The following MYLK4 variants were observed in gnomAD, a reference collection of about 807,000 sequenced individuals.
MYLK4 encodes caMLCK like.
Under a neutral mutation model 48.1 loss-of-function variants are expected in MYLK4, and 46 were observed. The observed-to-expected ratio is 0.96, with a 90% CI of 0.75 to 1.22. The LOEUF is 1.22. MYLK4 is among the 50% of genes most tolerant of loss of function. The probability of loss-of-function intolerance (pLI) is 0.00; values close to 1 mark genes in which losing one functional copy is unlikely to be tolerated. For missense variants in MYLK4, 451 were observed against 486.1 expected (o/e 0.93, Z 0.68); for synonymous variants, 170 against 180.8 (o/e 0.94, Z 0.48).
chr6:2,746,952 AAGG>A (rs925746054), intron 2 of MYLK4, among the ~76,000 whole-genome samples: 3 of 152,226 alleles, frequency 2.0e-5, no homozygotes, highest in African/African-American at 7.2e-5. Context: ...AGGCCATGGA[AAGG>A]AGAACTCTGT....
At chr6:2,760,792 G>T in the MYLK4 span, among the ~76,000 whole-genome samples, 1 of 152,196 alleles carries the variant, frequency 6.6e-6, no homozygotes, top group Middle Eastern at 3.4e-3. Flanking sequence ...TAAATAAAAG[G>T]TTCTACTTAC....
chr6:2,735,731 G>A lies in MYLK4; in HGVS notation c.159+13405C>T, dbSNP rs1763647746. ...TCAGCGTATGTAGTCGATGCAAACT[G>A]GGGAGGTAAAATTAGAATCAACTGT... On this transcript the variant is annotated intron_variant, in intron 2 of 12. Coordinates refer to ENST00000274643, the MANE Select transcript of MYLK4 (RefSeq NM_001012418.5). Among the ~76,000 whole-genome samples the A allele has an allele frequency of 3.3e-5, 5 of 152,304 alleles. No homozygotes were observed. In the South Asian group the frequency reaches 1.0e-3, roughly 32 times the overall value.
At chr6:2,719,230 G>A (rs1425608758) in intron 2 of MYLK4, among the ~76,000 whole-genome samples, 4 of 152,110 alleles carry the variant, frequency 2.6e-5, no homozygotes, top group East Asian at 1.9e-4. Flanking sequence ...AAACACTCCC[G>A]TCAGCTTCAC....
rs1760642987 is a variant in MYLK4 at position 2,666,120 on chromosome 6, CA to C, written c.*1804del. 6.6e-6 allele frequency: 1 copy of C among 152,158 alleles called. No individual in the cohort carries two copies. Among genetic ancestry groups the C allele is most frequent in the African/African-American group, 2.4e-5 (1 of 41,432 alleles). 9.4% of individuals were successfully genotyped at this position (152,158 alleles called of 1,614,324 possible). A position where few individuals can be genotyped will look rare whatever the true frequency, so the allele number is the denominator to read the frequency against. On this transcript the variant is annotated 3_prime_UTR_variant, in exon 13 of 13. Transcript: ENST00000274643. The stretch of plus-strand genomic sequence containing the variant: ...CACAAAATTCGCATGTGGCCTTCAC[CA>C]AATCACGTATTTCCTTCTATCTCTA...
rs956020141 is a variant in MYLK4, at chr6:2,666,968, A to G, written c.*957T>C. On this transcript the variant is annotated 3_prime_UTR_variant, in exon 13 of 13. Coordinates refer to ENST00000274643, the MANE Select transcript of MYLK4 (RefSeq NM_001012418.5). ...GTACTTGGTCTTTGCCACTGTTTGT[A>G]TGTGTTTACCCAGAAGCTTGAATGT... 1 of 152,252 alleles carries G rather than the reference A, an allele frequency of 6.6e-6. No homozygotes were observed. Among genetic ancestry groups the G allele is most frequent in the African/African-American group, 2.4e-5 (1 of 41,464 alleles). 9.4% of individuals were successfully genotyped at this position (152,252 alleles called of 1,614,324 possible). A position where few individuals can be genotyped will look rare whatever the true frequency, so the allele number is the denominator to read the frequency against.
In MYLK4 at chr6:2,664,586, T is replaced by C. The variant is rs1243616736; in HGVS notation, c.*3339A>G. 6.6e-6 allele frequency: 1 copy of C among 150,728 alleles called. No individual in the cohort carries two copies. The highest frequency in any genetic ancestry group is 2.5e-5 in the African/African-American group (1 of 40,026). The allele number at this position is 150,728 out of a possible 1,614,324, so 9.3% of individuals were successfully genotyped here. ...TAGTATCAAATCCATATTTTGATTC[T>C]TAAAAGAGAAAAAAAAATTGCTAAG... On this transcript the variant is annotated 3_prime_UTR_variant, in exon 13 of 13. Transcript: ENST00000274643.
chr6:2,692,836 G>T lies in MYLK4; in HGVS notation c.183C>A (p.Ala61=), dbSNP rs148551907. 2.5e-6 allele frequency: 4 copies of T among 1,613,514 alleles called. No individual in the cohort carries two copies. The highest frequency in any genetic ancestry group is 3.4e-6 in the Non-Finnish European group (4 of 1,179,816). ...TGACGGGCATCCTTTCCGTCAGGTC[G>T]GCGTTTGACCACACCTCCTTCGCCT... ...HNEAKEVWSN[A]DLTERMPVKS... The change falls in exon 3 of 13, where the codon GCC becomes GCA. Residue 61 remains alanine, a synonymous_variant. Transcript: ENST00000274643.
At chr6:2,674,631 T>C (rs1342944773) in intron 11 of MYLK4, among the ~76,000 whole-genome samples, 1 of 152,338 alleles carries the variant, frequency 6.6e-6, no homozygotes, top group African/African-American at 2.4e-5. Context: ...CCCAGCACTA[T>C]GGGAGGCCAA....
chr6:2,667,144 T>C lies in MYLK4; in HGVS notation c.*781A>G, dbSNP rs1409859663. The C allele has an allele frequency of 6.6e-6, 1 of 152,244 alleles. No individual in the cohort carries two copies. Among genetic ancestry groups the C allele is most frequent in the African/African-American group, 2.4e-5 (1 of 41,458 alleles). The allele number at this position is 152,244 out of a possible 1,614,324, so 9.4% of individuals were successfully genotyped here. On this transcript the variant is annotated 3_prime_UTR_variant, in exon 13 of 13. Transcript: ENST00000274643. ...AGGTCAGAATTTCAAAGTCCAACCA[T>C]AAACAGATACTTTTTGCATCACCTC... is the stretch of plus-strand genomic sequence containing the variant.
At chr6:2,767,019 C>A in the MYLK4 span, among the ~76,000 whole-genome samples, 3 of 152,120 alleles carry the variant, frequency 2.0e-5, no homozygotes, top group African/African-American at 7.2e-5. Flanking sequence ...CATGTATTTA[C>A]AAAACTAACA....
Position 2,750,745 on chromosome 6 carries a change from G to T in MYLK4, c.-122C>A, listed in dbSNP as rs959805741. ...AAACAAAGATAATTACCATTGATAG[G>T]ATCACATCGAAGAGCTTGAGCCACT... On this transcript the variant is annotated 5_prime_UTR_variant, in exon 1 of 13. Coordinates refer to ENST00000274643, the MANE Select transcript of MYLK4 (RefSeq NM_001012418.5). 5 of 152,248 alleles carry T rather than the reference G, an allele frequency of 3.3e-5. No individual in the cohort carries two copies. Among genetic ancestry groups the T allele is most frequent in the Admixed American group, 2.6e-4 (4 of 15,288 alleles). 9.4% of individuals were successfully genotyped at this position (152,248 alleles called of 1,614,324 possible). A position where few individuals can be genotyped will look rare whatever the true frequency, so the allele number is the denominator to read the frequency against.
chr6:2,671,133 C>G (rs1158028702), intron 12 of MYLK4, 143 bp downstream of exon 12: 4 of 608,466 alleles, frequency 6.6e-6, no homozygotes, highest in Non-Finnish European at 1.2e-5. Flanking sequence ...GGTGCAAACA[C>G]AGCAGTCTGA....
At chr6:2,676,139 G>T (rs1332623138) in intron 10 of MYLK4, among the ~76,000 whole-genome samples, 2 of 151,572 alleles carry the variant, frequency 1.3e-5, no homozygotes, top group Non-Finnish European at 2.9e-5. Context: ...CAAAAAACCT[G>T]TAAGTGAATG....
At chr6:2,715,806 T>C (rs1418362668) in intron 2 of MYLK4, among the ~76,000 whole-genome samples, 2 of 152,136 alleles carry the variant, frequency 1.3e-5, no homozygotes, top group Admixed American at 1.3e-4. Flanking sequence ...TATGAAAGGG[T>C]TTTCCCTGCC....
chr6:2,760,419 C>G, the MYLK4 span, among the ~76,000 whole-genome samples: 16 of 152,292 alleles, frequency 1.1e-4, no homozygotes, highest in Non-Finnish European at 1.9e-4. Context: ...GTTTCTATGT[C>G]CAGAGTTTTT....
At chr6:2,755,509 T>C (rs1369702384), upstream of MYLK4, among the ~76,000 whole-genome samples, 2 of 152,206 alleles carry the variant, frequency 1.3e-5, no homozygotes, top group African/African-American at 2.4e-5. Context: ...AGTCTCCTTT[T>C]ATCTATTTAG....
At position 2,698,160 on chromosome 6, in the gene MYLK4, G is replaced by T. The variant is rs567944522; in HGVS notation, c.160-5301C>A. ...TTCTTTTTAAAACTGTTGCAAACAG[G>T]CCAGATAGAAGAATGGAGGAGAACA... On this transcript the variant is annotated intron_variant, in intron 2 of 12. Coordinates refer to ENST00000274643, the MANE Select transcript of MYLK4 (RefSeq NM_001012418.5). Among the ~76,000 whole-genome samples the T allele has an allele frequency of 5.9e-5, 9 of 152,294 alleles. No homozygotes were observed. In the South Asian group the frequency reaches 1.4e-3, roughly 25 times the overall value.
upstream of MYLK4, among the ~76,000 whole-genome samples, chr6:2,754,018 CAG>C (rs1764362299): frequency 1.4e-5 from 2 of 146,908 alleles, no homozygotes; most frequent in East Asian, 2.0e-4. Flanking sequence ...AAAAAAAAGA[CAG>C]AGAAAAGCAA....
chr6:2,756,127 T>C, the MYLK4 span, among the ~76,000 whole-genome samples: 2 of 152,220 alleles, frequency 1.3e-5, no homozygotes, highest in African/African-American at 2.4e-5. Context: ...GAATCAATGA[T>C]TACCACAGAG....
Sources: allele counts gnomAD v4.1 joint callset (sites outside exome capture counted in the v4.1 genomes callset), GRCh38; gene constraint gnomAD v4.1.1; transcripts MANE v1.5; gene names NCBI Gene and HGNC (gene_info 2026-07-23, HGNC 2026-07-21).